MAOB: variants seen among roughly 807,000 people sequenced by gnomAD.
The protein encoded by MAOB is amine oxidase [flavin-containing] B.
In MAOB, 15 loss-of-function variants were observed where a neutral mutation model predicts 41.9. That is an observed-to-expected ratio of 0.36 (90% CI 0.24 to 0.55). MAOB has a LOEUF of 0.55. Among genes scored for constraint, MAOB ranks in the 20% least tolerant of loss-of-function variants. The pLI, the probability that MAOB is intolerant of heterozygous loss-of-function variation, is 0.86. For synonymous variants in MAOB, 167 were observed against 144.2 expected, an observed-to-expected ratio of 1.16 and a Z score of -1.13; for missense variants, 345 against 398.7, an observed-to-expected ratio of 0.87 and a Z score of 1.15.
intron 1 of MAOB, among the ~76,000 whole-genome samples, chrX:43,879,676 C>T (rs976871023): frequency 4.5e-5 from 5 of 111,492 alleles, no homozygotes; most frequent in African/African-American, 1.6e-4. Context: ...ATGTGACACA[C>T]GCCATTTGAT....
intron 1 of MAOB, among the ~76,000 whole-genome samples, chrX:43,879,097 G>C (rs771852808): frequency 8.9e-6 from 1 of 111,934 alleles, no homozygotes; most frequent in South Asian, 3.7e-4. Flanking sequence ...GCAACGTGCT[G>C]CTGTCCAGTT....
At chrX:43,868,522 G>A in intron 1 of MAOB, among the ~76,000 whole-genome samples, 1 of 111,550 alleles carries the variant, frequency 9.0e-6, no homozygotes, top group African/African-American at 3.3e-5. Flanking sequence ...TGGATGTTCT[G>A]CCTTTTATCA....
intron 5 of MAOB, among the ~76,000 whole-genome samples, chrX:43,798,437 A>G (rs1430851782): frequency 3.6e-5 from 4 of 112,666 alleles, no homozygotes; most frequent in Middle Eastern, 4.6e-3. Flanking sequence ...CAGTTATTTT[A>G]CTGCCTAACA....
intron 3 of MAOB, among the ~76,000 whole-genome samples, chrX:43,807,096 C>A (rs1016022043): frequency 8.9e-6 from 1 of 111,960 alleles, no homozygotes; most frequent in African/African-American, 3.3e-5. Flanking sequence ...GTTTTATAAT[C>A]AGCTTTATTG....
intron 8 of MAOB, among the ~76,000 whole-genome samples, chrX:43,783,733 T>C (rs975490231): frequency 1.8e-5 from 2 of 111,831 alleles, no homozygotes; most frequent in Non-Finnish European, 3.8e-5. Context: ...GGTGTGGCTG[T>C]GGCAATTTTA....
At chrX:43,882,141 A>C in intron 1 of MAOB, 113 bp downstream of exon 1, 1 of 1,116,800 alleles carries the variant, frequency 9.0e-7, no homozygotes, top group Non-Finnish European at 1.2e-6. Flanking sequence ...GTGCGTGGAC[A>C]GTCTGGGGAC....
intron 1 of MAOB, among the ~76,000 whole-genome samples, chrX:43,863,796 G>GA (rs2035348608): frequency 9.0e-6 from 1 of 111,496 alleles, no homozygotes; most frequent in South Asian, 3.7e-4. Context: ...CTCTATTTCA[G>GA]AAAAATAATG....
chrX:43,826,846 A>G (rs1017851730), intron 3 of MAOB, among the ~76,000 whole-genome samples: 5 of 111,939 alleles, frequency 4.5e-5, no homozygotes, highest in Non-Finnish European at 9.4e-5. Flanking sequence ...TCACCTCTTA[A>G]AAGTCCCACA....
chrX:43,835,887 A>G (rs1027292353), intron 3 of MAOB, among the ~76,000 whole-genome samples: 3 of 111,735 alleles, frequency 2.7e-5, no homozygotes, highest in Non-Finnish European at 5.6e-5. Context: ...CCTTAGCTTA[A>G]TGTTACTAAG....
intron 7 of MAOB, among the ~76,000 whole-genome samples, chrX:43,795,211 C>T (rs1279639144): frequency 9.0e-6 from 1 of 111,599 alleles, no homozygotes; most frequent in Non-Finnish European, 1.9e-5. Context: ...TCCTACAACC[C>T]CTTCAAGTTT....
chrX:43,780,315 C>G (rs775662698), intron 10 of MAOB, 27 bp downstream of exon 10: 1 of 1,173,678 alleles, frequency 8.5e-7, no homozygotes, highest in African/African-American at 1.8e-5. Context: ...AAGGAAGAAA[C>G]GAAAGAAGCA....
At chrX:43,867,803 A>T (rs1461329023) in intron 1 of MAOB, among the ~76,000 whole-genome samples, 5 of 112,451 alleles carry the variant, frequency 4.4e-5, no homozygotes, top group African/African-American at 9.7e-5. Context: ...ACAAAATTGA[A>T]TAAGCTCCCA....
chrX:43,833,488 C>T (rs746392276), intron 3 of MAOB, among the ~76,000 whole-genome samples: 2 of 111,637 alleles, frequency 1.8e-5, no homozygotes, highest in South Asian at 7.8e-4. Context: ...TAATCTGTTA[C>T]ATGGTTCCCT....
chrX:43,779,758 A>G (rs762626504), intron 10 of MAOB, among the ~76,000 whole-genome samples: 6 of 111,638 alleles, frequency 5.4e-5, no homozygotes, highest in African/African-American at 2.0e-4. Context: ...CCCTGATGGA[A>G]TCGGAAAGCA....
intron 3 of MAOB, chrX:43,837,964 AGGACC>A: frequency 3.0e-6 from 1 of 331,412 alleles, no homozygotes; most frequent in East Asian, 9.7e-5. Flanking sequence ...AGAGAGTCTG[AGGACC>A]AGCAGCATGG....
chrX:43,880,364 G>T (rs774844404), intron 1 of MAOB, among the ~76,000 whole-genome samples: 1 of 112,123 alleles, frequency 8.9e-6, no homozygotes, highest in South Asian at 3.7e-4. Flanking sequence ...CCCCTACACA[G>T]CCTCCCTCAA....
At chrX:43,814,256 T>G (rs1324474151) in intron 3 of MAOB, among the ~76,000 whole-genome samples, 1 of 111,580 alleles carries the variant, frequency 9.0e-6, no homozygotes, top group Admixed American at 9.5e-5. Flanking sequence ...AGAAGGTGGC[T>G]GCCAGGAAGA....
chrX:43,836,097 C>T (rs1439219044), intron 3 of MAOB, among the ~76,000 whole-genome samples: 2 of 111,302 alleles, frequency 1.8e-5, no homozygotes, highest in African/African-American at 6.5e-5. Context: ...TGTAGTTTGC[C>T]CTTGGGGACA....
At position 43,872,481 on chromosome X, in the gene MAOB, C is replaced by T. The variant is rs745715051; in HGVS notation, c.46+9773G>A. On this transcript the variant is annotated intron_variant, in intron 1 of 14. Transcript: ENST00000378069. ...GGTAAATTGGTAAAACTTTCTTGGG[C>T]GACAATTTTGCTATAATTATTAAAT... Among the ~76,000 whole-genome samples the T allele has an allele frequency of 3.6e-5, 4 of 110,929 alleles. No individual in the cohort carries two copies. In the East Asian group the frequency reaches 8.5e-4, roughly 23 times the overall value.
Sources: allele counts gnomAD v4.1 joint callset (sites outside exome capture counted in the v4.1 genomes callset), GRCh38; gene constraint gnomAD v4.1.1; transcripts MANE v1.5; gene names NCBI Gene and HGNC (gene_info 2026-07-23, HGNC 2026-07-21).